GRIN2A: variants seen among roughly 807,000 people sequenced by gnomAD.
GRIN2A encodes the protein glutamate receptor ionotropic, NMDA 2A.
A neutral mutation model predicts 113.4 loss-of-function variants in GRIN2A; 22 were observed. The ratio of observed to expected loss-of-function variants is 0.19; its 90% CI spans 0.14 to 0.28. The LOEUF is 0.28. Ranked by LOEUF, GRIN2A falls within the 10% of genes least tolerant of loss-of-function variation. GRIN2A has a pLI of 1.00. For missense variants in GRIN2A, 1,502 were observed against 1,887.0 expected, an observed-to-expected ratio of 0.80 and a Z score of 3.78; for synonymous variants, 827 against 738.4, an observed-to-expected ratio of 1.12 and a Z score of -1.94.
chr16:9,898,162 T>C (rs1383262136), intron 3 of GRIN2A, among the ~76,000 whole-genome samples: 1 of 148,128 alleles, frequency 6.8e-6, no homozygotes, highest in Non-Finnish European at 1.5e-5. Flanking sequence ...ATAAAATGCC[T>C]AGCACAGTGC....
chr16:10,012,955 A>C (rs1282848293), intron 2 of GRIN2A, among the ~76,000 whole-genome samples: 2 of 152,226 alleles, frequency 1.3e-5, no homozygotes, highest in Admixed American at 1.3e-4. Flanking sequence ...CCATGTATCA[A>C]CTGCAAACAA....
intron 2 of GRIN2A, among the ~76,000 whole-genome samples, chr16:10,040,226 TACACACACATTCACACC>T (rs1462226765): frequency 4.2e-5 from 4 of 94,412 alleles, no homozygotes; most frequent in Middle Eastern, 0.011. Context: ...GCAAATACAC[TACACACACATTCACACC>T]ACACACACAT....
At chr16:10,117,061 GAAA>G (rs111371826) in intron 2 of GRIN2A, among the ~76,000 whole-genome samples, 2 of 139,882 alleles carry the variant, frequency 1.4e-5, no homozygotes. Flanking sequence ...TCAAGTGACT[GAAA>G]AAAAAAAAAA....
At chr16:10,084,021 G>C (rs185014880) in intron 2 of GRIN2A, among the ~76,000 whole-genome samples, 2 of 152,228 alleles carry the variant, frequency 1.3e-5, no homozygotes, top group Admixed American at 1.3e-4. Flanking sequence ...GGGTCGCCTG[G>C]ACCCAGGAGG....
intron 10 of GRIN2A, among the ~76,000 whole-genome samples, chr16:9,803,719 A>G (rs2041911134): frequency 6.6e-6 from 1 of 152,154 alleles, no homozygotes; most frequent in Non-Finnish European, 1.5e-5. Context: ...GGAGAAACTG[A>G]GGCATTGAGC....
At chr16:10,043,243 T>C (rs528117281) in intron 2 of GRIN2A, among the ~76,000 whole-genome samples, 6 of 152,282 alleles carry the variant, frequency 3.9e-5, no homozygotes, top group African/African-American at 1.4e-4. Flanking sequence ...TGCCGTTAAG[T>C]AACTTTTCCT....
chr16:9,961,752 T>G (rs1215252796), intron 2 of GRIN2A, among the ~76,000 whole-genome samples: 1 of 152,190 alleles, frequency 6.6e-6, no homozygotes, highest in Non-Finnish European at 1.5e-5. Flanking sequence ...ACCAATGACT[T>G]TCTTCACAGA....
chr16:10,039,773 AGGGAGGGGGAGG>A (rs1159228270), intron 2 of GRIN2A, among the ~76,000 whole-genome samples: 22 of 31,036 alleles, frequency 7.1e-4, no homozygotes, highest in African/African-American at 1.7e-3. Flanking sequence ...AGGGAGGGAG[AGGGAGGGGGAGG>A]GGGAGGGGGA....
intron 2 of GRIN2A, among the ~76,000 whole-genome samples, chr16:10,009,049 T>A (rs844395): frequency 6.6e-6 from 1 of 152,048 alleles, no homozygotes; most frequent in African/African-American, 2.4e-5. Flanking sequence ...ATACGTTATA[T>A]GTCAAGTGCT....
Position 9,763,529 on chromosome 16 carries a change from T to A in GRIN2A, c.4015A>T (p.Lys1339Ter), listed in dbSNP as rs754686222. Residue 1339 changes from lysine (K) to a stop codon, truncating the protein, a stop_gained, in exon 13 of 13, where the codon AAA (lysine) becomes TAA (stop). Transcript: ENST00000330684. LOFTEE classifies it high-confidence loss of function. The stretch of plus-strand genomic sequence containing the variant: ...CCTTGGGGGAAAAGGGAGCTTTTTT[T>A]CCCCGAGAGTTTGCTTGAGGGGACA... ...FSVPSSKLSG[K>*]KSSLFPQGLE... 6.2e-7 allele frequency: 1 copy of A among 1,613,994 alleles called. No individual in the cohort carries two copies.
At chr16:10,112,426 T>G in intron 2 of GRIN2A, 3 of 738,510 alleles carry the variant, frequency 4.1e-6, no homozygotes, top group Admixed American at 1.8e-5. Context: ...GTGTACAAGG[T>G]GGCCAAGTAC....
At chr16:10,161,261 G>T (rs1325062563) in intron 2 of GRIN2A, among the ~76,000 whole-genome samples, 1 of 152,166 alleles carries the variant, frequency 6.6e-6, no homozygotes. Context: ...ATATGAAGAA[G>T]TACATGTTGG....
chr16:10,178,362 T>C (rs2050192890), intron 2 of GRIN2A, among the ~76,000 whole-genome samples: 1 of 152,192 alleles, frequency 6.6e-6, no homozygotes, highest in Non-Finnish European at 1.5e-5. Context: ...GAATGGAAGA[T>C]CACACCTTGG....
At chr16:10,104,024 C>G (rs1011831991) in intron 2 of GRIN2A, among the ~76,000 whole-genome samples, 1 of 152,184 alleles carries the variant, frequency 6.6e-6, no homozygotes, top group Non-Finnish European at 1.5e-5. Context: ...TTATCAATGT[C>G]CTTCTTAAAA....
intron 2 of GRIN2A, among the ~76,000 whole-genome samples, chr16:9,986,216 T>G (rs978855739): frequency 2.6e-5 from 4 of 151,900 alleles, no homozygotes; most frequent in African/African-American, 9.7e-5. Flanking sequence ...AAAAGAAATA[T>G]GCTACTACCA....
intron 11 of GRIN2A, among the ~76,000 whole-genome samples, chr16:9,788,296 G>A (rs562022025): frequency 1.3e-4 from 20 of 149,902 alleles, no homozygotes; most frequent in African/African-American, 4.7e-4. Context: ...TTGCTCTGTT[G>A]CCCAGGCTGG....
intron 2 of GRIN2A, among the ~76,000 whole-genome samples, chr16:10,097,400 C>A (rs964754013): frequency 4.6e-5 from 7 of 152,164 alleles, no homozygotes; most frequent in Non-Finnish European, 1.0e-4. Flanking sequence ...GAAATCTTCA[C>A]CCTACATATA....
intron 2 of GRIN2A, among the ~76,000 whole-genome samples, chr16:9,966,118 A>T (rs974801505): frequency 3.3e-5 from 5 of 152,182 alleles, no homozygotes; most frequent in African/African-American, 4.8e-5. Context: ...AGGGTTCTCA[A>T]CTTTTCTTTT....
intron 10 of GRIN2A, among the ~76,000 whole-genome samples, chr16:9,806,639 C>A (rs2041972852): frequency 6.7e-6 from 1 of 149,386 alleles, no homozygotes; most frequent in South Asian, 2.1e-4. Flanking sequence ...AAGACGGAGA[C>A]AGAAAGAGAG....
Sources: gnomAD v4.1 joint callset for allele counts (sites outside exome capture counted in the v4.1 genomes callset) on GRCh38, gnomAD v4.1.1 for gene constraint, MANE v1.5 for transcripts, NCBI Gene and HGNC (gene_info 2026-07-23, HGNC 2026-07-21) for gene names.